The following RASSF4 variants were observed in gnomAD, a reference collection of about 807,000 sequenced individuals.
The protein encoded by RASSF4 is ras association domain-containing protein 4.
RASSF4 carries 38 observed loss-of-function variants against 41.1 expected under a neutral mutation model. The ratio of observed to expected loss-of-function variants is 0.92; its 90% confidence interval spans 0.71 to 1.21. The LOEUF (loss-of-function observed/expected upper bound fraction) is 1.21. Among genes scored for constraint, RASSF4 ranks in the 50% most tolerant of loss-of-function variants. The probability of loss-of-function intolerance (pLI) is 0.00; values close to 1 mark genes in which losing one functional copy is unlikely to be tolerated. For synonymous variants in RASSF4, 179 were observed against 163.4 expected, an observed-to-expected ratio of 1.10 and a Z score of -0.73; for missense variants, 414 against 419.4, an observed-to-expected ratio of 0.99 and a Z score of 0.11.
At chr10:44,975,013 C>CAAG (rs1256528572) in intron 3 of RASSF4, among the ~76,000 whole-genome samples, 81 of 152,196 alleles carry the variant, frequency 5.3e-4, no homozygotes, top group African/African-American at 1.9e-3. Context: ...TTGTGTAAAC[C>CAAG]CATGGCTCTG....
intron 1 of RASSF4, among the ~76,000 whole-genome samples, chr10:44,961,520 T>A (rs1840710328): frequency 6.6e-6 from 1 of 152,180 alleles, no homozygotes; most frequent in Non-Finnish European, 1.5e-5. Flanking sequence ...GCTCAGACTC[T>A]CTCCTCATTC....
Position 44,982,756 on chromosome 10 carries a change from T to G in RASSF4, c.281+93T>G. 4.4e-6 allele frequency: 6 copies of G among 1,371,014 alleles called. No homozygotes were observed. The South Asian group carries it at 7.6e-5, about 17-fold the overall frequency. The allele number at this position is 1,371,014 out of a possible 1,614,324, so 84.9% of individuals were successfully genotyped here. On this transcript the variant is annotated intron_variant, in intron 4 of 10. Transcript: ENST00000340258. Reference sequence around the variant, plus strand: ...TCAGGGTGGGAGCCCTGTTCCCTTATGGGACACTGGCACAGGAGGGTGACC... The same window carrying G: ...TCAGGGTGGGAGCCCTGTTCCCTTAGGGGACACTGGCACAGGAGGGTGACC...
At chr10:44,961,548 C>G (rs894427376) in intron 1 of RASSF4, among the ~76,000 whole-genome samples, 3 of 152,358 alleles carry the variant, frequency 2.0e-5, no homozygotes, top group Middle Eastern at 6.8e-3. Context: ...CTCCTGCAGG[C>G]AGGCCTCACA....
intron 1 of RASSF4, among the ~76,000 whole-genome samples, chr10:44,961,178 C>G (rs1190435626): frequency 6.6e-6 from 1 of 152,222 alleles, no homozygotes; most frequent in Admixed American, 6.5e-5. Flanking sequence ...AGCCATAATT[C>G]TCTCAGTGTG....
chr10:44,961,614 A>C (rs993605882), intron 1 of RASSF4, among the ~76,000 whole-genome samples: 1 of 152,218 alleles, frequency 6.6e-6, no homozygotes, highest in Non-Finnish European at 1.5e-5. Context: ...CAGTGTCAAT[A>C]AGAATAGTAA....
intron 2 of RASSF4, chr10:44,971,132 G>A: frequency 3.8e-6 from 1 of 264,584 alleles, no homozygotes; most frequent in South Asian, 3.9e-5. Flanking sequence ...TGGCCCCACA[G>A]CCCCACAGAG....
Position 44,995,172 on chromosome 10 carries a change from G to T in RASSF4, c.*1843G>T, listed in dbSNP as rs140751173. 4.2e-4 allele frequency: 64 copies of T among 152,398 alleles called. 1 individual carries two copies. The highest frequency in any genetic ancestry group is 1.5e-3 in the African/African-American group (62 of 41,588). The allele number at this position is 152,398 out of a possible 1,614,324, so 9.4% of individuals were successfully genotyped here. A position where few individuals can be genotyped will look rare whatever the true frequency, so the allele number is the denominator to read the frequency against. On this transcript the variant is annotated 3_prime_UTR_variant, in exon 11 of 11. Coordinates refer to ENST00000340258, the MANE Select transcript of RASSF4 (RefSeq NM_032023.4). Reference sequence around the variant, plus strand: ...ACAGCTCCTGTCCCATTGTTCAGCTGTAACTGAGTGACTGCCTTGTGCCAG... The same window carrying T: ...ACAGCTCCTGTCCCATTGTTCAGCTTTAACTGAGTGACTGCCTTGTGCCAG...
In RASSF4 at chr10:44,993,725, G is replaced by A. The variant is rs1370636186; in HGVS notation, c.*396G>A. On this transcript the variant is annotated 3_prime_UTR_variant, in exon 11 of 11. Coordinates refer to ENST00000340258, the MANE Select transcript of RASSF4 (RefSeq NM_032023.4). ...TCCTCTTCCTTCATATGAGATTCTTGTCTGCCCTCATATCACGCTGCCCCA... is the reference window on the plus strand; with the variant it reads ...TCCTCTTCCTTCATATGAGATTCTTATCTGCCCTCATATCACGCTGCCCCA... 1 of 182,402 alleles carries A rather than the reference G, an allele frequency of 5.5e-6. No individual in the cohort carries two copies. The highest frequency in any genetic ancestry group is 2.3e-5 in the African/African-American group (1 of 43,298). The allele number at this position is 182,402 out of a possible 1,614,324, so 11.3% of individuals were successfully genotyped here. A position where few individuals can be genotyped will look rare whatever the true frequency, so the allele number is the denominator to read the frequency against.
chr10:44,985,438 G>C (rs1296454251), intron 6 of RASSF4, among the ~76,000 whole-genome samples: 2 of 152,218 alleles, frequency 1.3e-5, no homozygotes, highest in Non-Finnish European at 2.9e-5. Flanking sequence ...ACTGACCTCA[G>C]GAAAAGCTTT....
chr10:44,978,238 C>G (rs930232336), intron 3 of RASSF4: 1 of 560,102 alleles, frequency 1.8e-6, no homozygotes, highest in Admixed American at 3.6e-5. Flanking sequence ...GTTAAAAACC[C>G]CAAAGGCTTA....
chr10:44,991,170 T>C (rs1243714650), intron 9 of RASSF4, 101 bp downstream of exon 9: 2 of 1,169,526 alleles, frequency 1.7e-6, no homozygotes, highest in Admixed American at 2.5e-5. Flanking sequence ...TCAGTTGATG[T>C]CTCCAGGAGC....
At chr10:44,977,074 A>C (rs1841464479) in intron 3 of RASSF4, 1 of 243,042 alleles carries the variant, frequency 4.1e-6, no homozygotes, top group Non-Finnish European at 7.9e-6. Flanking sequence ...TACACGTCAG[A>C]ATGGCCTGGG....
At chr10:44,991,825 A>G in intron 9 of RASSF4, 80 bp from the exon 10 acceptor site, 1 of 937,490 alleles carries the variant, frequency 1.1e-6, no homozygotes, top group African/African-American at 1.6e-5. Context: ...TGGATGGGCC[A>G]CTATGGAAGC....
intron 2 of RASSF4, 83 bp from the exon 3 acceptor site, chr10:44,971,690 G>A (rs1001350111): frequency 1.9e-6 from 2 of 1,047,322 alleles, no homozygotes; most frequent in Non-Finnish European, 3.0e-6. Flanking sequence ...TACAAATGAG[G>A]AAACAGAGGC....
chr10:44,968,676 AT>A (rs1375739080), intron 1 of RASSF4, among the ~76,000 whole-genome samples: 1 of 152,192 alleles, frequency 6.6e-6, no homozygotes, highest in Non-Finnish European at 1.5e-5. Flanking sequence ...GGAGCTGGGC[AT>A]TCTGCAGGGA....
At chr10:44,965,006 CAG>C (rs1431624839) in intron 1 of RASSF4, among the ~76,000 whole-genome samples, 67 of 152,330 alleles carry the variant, frequency 4.4e-4, no homozygotes, top group Non-Finnish European at 2.4e-4. Flanking sequence ...CTCTGAGAAC[CAG>C]AGAGACCAAG....
At chr10:44,965,725 T>G (rs1224814899) in intron 1 of RASSF4, among the ~76,000 whole-genome samples, 2 of 152,050 alleles carry the variant, frequency 1.3e-5, no homozygotes, top group Non-Finnish European at 2.9e-5. Context: ...CCCCCTGCCC[T>G]CCCCTGGGAT....
At chr10:44,982,450 C>T in intron 3 of RASSF4, 71 bp from the exon 4 acceptor site, 1 of 1,573,404 alleles carries the variant, frequency 6.4e-7, no homozygotes. Flanking sequence ...TTCAGAGCAT[C>T]CCATCCCTAG....
chr10:44,982,548 C>T lies in RASSF4; in HGVS notation c.166C>T (p.Leu56Phe), dbSNP rs1841758050. 1.9e-6 allele frequency: 3 copies of T among 1,612,270 alleles called. No homozygotes were observed. Among genetic ancestry groups the T allele is most frequent in the Non-Finnish European group, 2.5e-6 (3 of 1,179,168 alleles). ...EEEGTLIIEG[L>F]LNIAWGLRRP... ...AGAAGGGACTCTGATCATCGAGGGG[C>T]TCCTCAACATTGCCTGGGGGCTGAG... The change falls in exon 4 of 11, where the codon CTC becomes TTC. Residue 56 changes from leucine to phenylalanine, a missense_variant. Coordinates refer to ENST00000340258, the MANE Select transcript of RASSF4 (RefSeq NM_032023.4).
Sources: allele counts gnomAD v4.1 joint callset (sites outside exome capture counted in the v4.1 genomes callset), GRCh38; gene constraint gnomAD v4.1.1; transcripts MANE v1.5; gene names NCBI Gene and HGNC (gene_info 2026-07-23, HGNC 2026-07-21).